PPP2R2B: variants seen among roughly 807,000 people sequenced by gnomAD.
PPP2R2B encodes the protein protein phosphatase 2 regulatory subunit Bbeta.
A neutral mutation model predicts 46.0 loss-of-function variants in PPP2R2B; 5 were observed. That is an observed-to-expected ratio of 0.11 (90% CI 0.06 to 0.23). PPP2R2B has a LOEUF of 0.23. Ranked by LOEUF, PPP2R2B falls within the 10% of genes least tolerant of loss-of-function variation. PPP2R2B has a pLI of 1.00. For missense variants in PPP2R2B, 367 were observed against 575.0 expected (o/e 0.64, Z 3.70); for synonymous variants, 215 against 206.7 (o/e 1.04, Z -0.34).
chr5:146,822,413 A>G (rs1372440149), intron 2 of PPP2R2B, among the ~76,000 whole-genome samples: 1 of 152,064 alleles, frequency 6.6e-6, no homozygotes, highest in African/African-American at 2.4e-5. Flanking sequence ...TTCAGTCATC[A>G]TACTCAGGTT....
chr5:147,021,221 C>A, intron 1 of PPP2R2B, among the ~76,000 whole-genome samples: 1 of 152,058 alleles, frequency 6.6e-6, no homozygotes, highest in African/African-American at 2.4e-5. Flanking sequence ...AACAAACAGA[C>A]TTAATTGCTC....
At chr5:146,745,296 TG>T (rs1753122313) in intron 2 of PPP2R2B, among the ~76,000 whole-genome samples, 1 of 152,124 alleles carries the variant, frequency 6.6e-6, no homozygotes, top group Admixed American at 6.6e-5. Flanking sequence ...TTGGTAACCC[TG>T]TGCCCTTGAA....
chr5:146,900,006 T>C (rs1762772631), intron 1 of PPP2R2B, among the ~76,000 whole-genome samples: 1 of 152,258 alleles, frequency 6.6e-6, no homozygotes, highest in Middle Eastern at 3.4e-3. Context: ...TAAAAAACAA[T>C]GAAATGACAG....
At chr5:146,763,546 T>C (rs1487678318) in intron 2 of PPP2R2B, among the ~76,000 whole-genome samples, 1 of 152,228 alleles carries the variant, frequency 6.6e-6, no homozygotes, top group Non-Finnish European at 1.5e-5. Context: ...TTATTACAAC[T>C]GCTTTTCTGC....
intron 1 of PPP2R2B, among the ~76,000 whole-genome samples, chr5:146,896,318 T>A (rs140516256): frequency 5.8e-4 from 88 of 152,294 alleles, no homozygotes; most frequent in African/African-American, 2.0e-3. Flanking sequence ...GGAGGTATTA[T>A]TAACTATCAT....
At chr5:146,605,285 A>G (rs975755638) in intron 7 of PPP2R2B, among the ~76,000 whole-genome samples, 2 of 152,010 alleles carry the variant, frequency 1.3e-5, no homozygotes, top group Admixed American at 1.3e-4. Flanking sequence ...GCAACTGTCA[A>G]CTCTCTGACC....
At chr5:146,792,617 A>G (rs1335857275) in intron 2 of PPP2R2B, among the ~76,000 whole-genome samples, 1 of 152,216 alleles carries the variant, frequency 6.6e-6, no homozygotes, top group Non-Finnish European at 1.5e-5. Flanking sequence ...GGGGACTTCA[A>G]TTTCAAATAG....
intron 1 of PPP2R2B, among the ~76,000 whole-genome samples, chr5:146,989,357 C>T (rs1294793614): frequency 6.6e-6 from 1 of 152,052 alleles, no homozygotes; most frequent in Non-Finnish European, 1.5e-5. Flanking sequence ...CAACAAAATA[C>T]TAGCAAAACT....
intron 1 of PPP2R2B, among the ~76,000 whole-genome samples, chr5:146,963,778 G>A (rs962869789): frequency 6.6e-6 from 1 of 152,080 alleles, no homozygotes; most frequent in African/African-American, 2.4e-5. Flanking sequence ...ATCCATATTG[G>A]TCTGACTTCT....
At chr5:146,644,261 A>AG (rs1554118465) in intron 6 of PPP2R2B, among the ~76,000 whole-genome samples, 2,204 of 75,916 alleles carry the variant, frequency 0.029, 16 homozygotes, top group Non-Finnish European at 0.037. Context: ...AAAAAAAAAA[A>AG]AAGAAGAAGA....
intron 2 of PPP2R2B, among the ~76,000 whole-genome samples, chr5:147,073,979 T>C (rs1036382771): frequency 6.7e-6 from 1 of 150,178 alleles, no homozygotes; most frequent in Non-Finnish European, 1.5e-5. Flanking sequence ...GAGGTTGCAG[T>C]GAGCCAAGAT....
Position 146,846,900 on chromosome 5 carries a change from A to G in PPP2R2B, c.70+31102T>C, listed in dbSNP as rs547751770. Among the ~76,000 whole-genome samples, 153 of 152,278 alleles carry G rather than the reference A, an allele frequency of 1.0e-3. 1 individual carries two copies. Among genetic ancestry groups the G allele is most frequent in the African/African-American group, 3.4e-3 (143 of 41,566 alleles). On this transcript the variant is annotated intron_variant, in intron 2 of 9. Transcript: ENST00000394411. ...ATATTGAGAGTGAAAAATATTTAGAAGTCTCAAAGCCACTGCCTTAAATTC... is the reference window on the plus strand; with the variant it reads ...ATATTGAGAGTGAAAAATATTTAGAGGTCTCAAAGCCACTGCCTTAAATTC...
At chr5:147,066,247 G>C (rs1757412292) in intron 2 of PPP2R2B, among the ~76,000 whole-genome samples, 1 of 152,036 alleles carries the variant, frequency 6.6e-6, no homozygotes. Flanking sequence ...TCCTTCAGAG[G>C]GCCCATGGAG....
At chr5:146,765,660 G>C (rs764898072) in intron 2 of PPP2R2B, among the ~76,000 whole-genome samples, 10 of 152,184 alleles carry the variant, frequency 6.6e-5, no homozygotes, top group Non-Finnish European at 1.3e-4. Flanking sequence ...CTTTTATCCA[G>C]ATTCTTCCAA....
chr5:146,939,880 C>T lies in PPP2R2B; in HGVS notation c.79+115785G>A, dbSNP rs1378351365. On this transcript the variant is annotated intron_variant, in intron 1 of 8. Transcript: ENST00000336640. ...CTTAATTTAAAGCTCAGCTCATGTA[C>T]AAGTTTTATTTTGCAATCAAGTTTT... Among the ~76,000 whole-genome samples the T allele has an allele frequency of 2.0e-5, 3 of 152,196 alleles. No homozygotes were observed. The East Asian group carries it at 5.8e-4, about 29-fold the overall frequency.
chr5:146,933,669 T>C (rs1007712237), intron 1 of PPP2R2B, among the ~76,000 whole-genome samples: 1 of 152,068 alleles, frequency 6.6e-6, no homozygotes, highest in South Asian at 2.1e-4. Context: ...TTCTTTTTTT[T>C]TTTTAAGTTT....
chr5:146,707,676 G>T, intron 2 of PPP2R2B: 1 of 549,224 alleles, frequency 1.8e-6, no homozygotes, highest in South Asian at 2.4e-5. Context: ...CTTCTTGGTA[G>T]AATATATCTT....
chr5:146,817,760 G>A (rs972141547), intron 2 of PPP2R2B, among the ~76,000 whole-genome samples: 1 of 152,198 alleles, frequency 6.6e-6, no homozygotes, highest in Non-Finnish European at 1.5e-5. Flanking sequence ...TTAGTGGTAT[G>A]CGCCACTTTA....
chr5:146,984,991 G>A (rs1009044101), intron 1 of PPP2R2B, among the ~76,000 whole-genome samples: 2 of 145,158 alleles, frequency 1.4e-5, no homozygotes, highest in African/African-American at 5.1e-5. Context: ...TTTATCAGAT[G>A]TATAGTTTGC....
Sources: gnomAD v4.1 joint callset for allele counts (sites outside exome capture counted in the v4.1 genomes callset) on GRCh38, gnomAD v4.1.1 for gene constraint, MANE v1.5 for transcripts, NCBI Gene and HGNC (gene_info 2026-07-23, HGNC 2026-07-21) for gene names.